QRICH2: variants seen among roughly 807,000 people sequenced by gnomAD.
The protein encoded by QRICH2 is glutamine-rich protein 2.
In QRICH2, 119 loss-of-function variants were observed where a neutral mutation model predicts 168.3. The observed-to-expected ratio is 0.71, with a 90% CI of 0.61 to 0.82. The LOEUF (loss-of-function observed/expected upper bound fraction) is 0.82. QRICH2 is among the 40% of genes least tolerant of loss of function. The pLI, the probability that QRICH2 is intolerant of heterozygous loss-of-function variation, is 0.00. For synonymous variants in QRICH2, 894 were observed against 951.2 expected, an observed-to-expected ratio of 0.94 and a Z score of 1.11; for missense variants, 2,241 against 2,491.6, an observed-to-expected ratio of 0.90 and a Z score of 2.14.
At chr17:76,310,878 CCTGA>C (rs1179220144), upstream of QRICH2, 1 of 151,904 alleles carries the variant, frequency 6.6e-6, no homozygotes, top group African/African-American at 2.4e-5. Context: ...CAGCCACAGA[CCTGA>C]CTGCTGTTCT....
chr17:76,301,677 T>C (rs1243063279), intron 3 of QRICH2: 2 of 152,642 alleles, frequency 1.3e-5, no homozygotes, highest in African/African-American at 4.9e-5. Context: ...AATCAGGATG[T>C]ATCTTAGAGT....
upstream of QRICH2, chr17:76,308,390 G>A: frequency 1.5e-5 from 15 of 985,418 alleles, no homozygotes; most frequent in Non-Finnish European, 1.8e-5. Flanking sequence ...GGGGAGCCTT[G>A]GCAACGGGCT....
Position 76,277,172 on chromosome 17 carries a change from A to G in QRICH2, c.5256T>C (p.Ile1752=), listed in dbSNP as rs1210441011. ...CAGGCAGGGCCCTGACCTTCATGGCAATCTGGATCTCTTCAGTAGGATACA... is the reference window on the plus strand; with the variant it reads ...CAGGCAGGGCCCTGACCTTCATGGCGATCTGGATCTCTTCAGTAGGATACA... ...RGLYPTEEIQ[I]AMKHDEVDIL... The change falls in exon 16 of 19, where the codon ATT becomes ATC. Residue 1752 remains isoleucine, a synonymous_variant. Transcript: ENST00000680821. 1.3e-6 allele frequency: 2 copies of G among 1,578,622 alleles called. No homozygotes were observed. The highest frequency in any genetic ancestry group is 1.7e-6 in the Non-Finnish European group (2 of 1,167,638).
intron 15 of QRICH2, 101 bp downstream of exon 15, chr17:76,277,888 C>T: frequency 7.8e-7 from 1 of 1,289,484 alleles, no homozygotes; most frequent in East Asian, 2.3e-5. Flanking sequence ...CCCTTTTCTC[C>T]CCCAGCAGTG....
chr17:76,282,706 G>T lies in QRICH2; in HGVS notation c.4012-591C>A, dbSNP rs144450293. ...GCCCTGGTGTTCTCCTCTGCATCCC[G>T]CAGGCCCCATTCGTCACCCCAAATG... is the stretch of plus-strand genomic sequence containing the variant. On this transcript the variant is annotated intron_variant, in intron 7 of 18. Coordinates refer to ENST00000680821, the MANE Select transcript of QRICH2 (RefSeq NM_001388453.1). Among the ~76,000 whole-genome samples, 29 of 152,298 alleles carry T rather than the reference G, an allele frequency of 1.9e-4. No individual in the cohort carries two copies. The South Asian group carries it at 5.6e-3, about 29-fold the overall frequency.
chr17:76,280,584 TCA>T lies in QRICH2; in HGVS notation c.4461+68_4461+69del. On this transcript the variant is annotated intron_variant, in intron 10 of 18. Transcript: ENST00000680821. This position sits in a 1 kb window ranked among gnomAD's most constrained non-coding sequence, Gnocchi z 7.4. ...ACTCGTCTCGCCAGCTCCCCTCCAC[TCA>T]GTCTCTCAAAGAACAGTCAGCGAGA... 1 of 1,601,028 alleles carries T rather than the reference TCA, an allele frequency of 6.2e-7. No individual in the cohort carries two copies. The highest frequency in any genetic ancestry group is 8.6e-7 in the Non-Finnish European group (1 of 1,168,808).
At position 76,293,923 on chromosome 17, in the gene QRICH2, A is replaced by G; in HGVS notation, c.804T>C (p.Ser268=). ...TGGCAGAATCCAGAGCCTGCTCAATACTTGGTTGCTTGGTAGAGTCTCCGC... is the reference window on the plus strand; with the variant it reads ...TGGCAGAATCCAGAGCCTGCTCAATGCTTGGTTGCTTGGTAGAGTCTCCGC... ...TLSGDSTKQP[S]IEQALDSASG... is the part of the protein sequence containing the mutation. The change falls in exon 4 of 19, where the codon AGT becomes AGC. Residue 268 remains serine, a synonymous_variant. Coordinates refer to ENST00000680821, the MANE Select transcript of QRICH2 (RefSeq NM_001388453.1). 6.2e-7 allele frequency: 1 copy of G among 1,614,082 alleles called. No homozygotes were observed. The highest frequency in any genetic ancestry group is 1.3e-5 in the African/African-American group (1 of 75,020).
At chr17:76,284,168 C>CAAAAAAAAA (rs61553346) in intron 7 of QRICH2, among the ~76,000 whole-genome samples, 8 of 62,746 alleles carry the variant, frequency 1.3e-4, no homozygotes, top group Non-Finnish European at 1.4e-4. Context: ...ACTCTGTCTC[C>CAAAAAAAAA]AAAAAAAAAA....
intron 6 of QRICH2, 119 bp from the exon 7 acceptor site, chr17:76,287,425 C>G (rs757435950): frequency 7.0e-5 from 51 of 733,682 alleles, no homozygotes; most frequent in Admixed American, 3.3e-4. Context: ...CCCTCCACCC[C>G]CCTCCAATGG....
chr17:76,291,621 T>C lies in QRICH2; in HGVS notation c.3106A>G (p.Ile1036Val), dbSNP rs1334189328. The change falls in exon 4 of 19, where the codon ATA (isoleucine) becomes GTA (valine). Residue 1036 changes from isoleucine to valine, a missense_variant. By Grantham distance (29) the Ile-to-Val change is conservative (BLOSUM62 3). Around this residue, in one of 3 missense-constraint regions of QRICH2, gnomAD observed 2,047 missense variants for 2,303.8 expected, o/e 0.89. Coordinates refer to ENST00000680821, the MANE Select transcript of QRICH2 (RefSeq NM_001388453.1). The part of the protein sequence containing the change: ...LASQGLASPG[I>V]DRRSLVPPET... ...GGTGGTACCAAACTCCTTCGATCTA[T>C]ACCAGGTGATGCCAAACCTTGACTG... The C allele has an allele frequency of 1.2e-6, 2 of 1,614,120 alleles. No individual in the cohort carries two copies. The highest frequency in any genetic ancestry group is 1.1e-5 in the South Asian group (1 of 91,084).
chr17:76,308,903 GC>G (rs1038873803), upstream of QRICH2, among the ~76,000 whole-genome samples: 2 of 151,230 alleles, frequency 1.3e-5, no homozygotes, highest in African/African-American at 4.9e-5. Context: ...GTGGTACCAT[GC>G]CCGGCTAATT....
In QRICH2 at chr17:76,280,552, A is replaced by G; in HGVS notation, c.4462-101T>C. 6 of 1,593,400 alleles carry G rather than the reference A, an allele frequency of 3.8e-6. No homozygotes were observed. In the South Asian group the frequency reaches 6.7e-5, roughly 18 times the overall value. On this transcript the variant is annotated intron_variant, in intron 10 of 18. Coordinates refer to ENST00000680821, the MANE Select transcript of QRICH2 (RefSeq NM_001388453.1). The surrounding 1 kb of genome is among the most constrained non-coding windows in gnomAD (Gnocchi z 7.4). ...CCCTATCACCAGGCAGGTTTCTGAG[A>G]GCCCACACTCGTCTCGCCAGCTCCC...
In QRICH2 at chr17:76,277,465, G is replaced by C. The variant is rs554554934; in HGVS notation, c.5118-155C>G. Among the ~76,000 whole-genome samples the C allele has an allele frequency of 8.5e-3, 1,291 of 152,138 alleles. 20 individuals carry two copies. Among genetic ancestry groups the C allele is most frequent in the African/African-American group, 0.03 (1,241 of 41,468 alleles). On this transcript the variant is annotated intron_variant, in intron 15 of 18. Coordinates refer to ENST00000680821, the MANE Select transcript of QRICH2 (RefSeq NM_001388453.1). ...AGCAGGGGCCCAGAACAGGCGGGCG[G>C]GGGTAGAGCAGCCGTGAGGCCGGGC...
chr17:76,287,013 GC>G (rs548951096), intron 7 of QRICH2, among the ~76,000 whole-genome samples, 178 bp downstream of exon 7: 2 of 78,770 alleles, frequency 2.5e-5, no homozygotes, highest in African/African-American at 4.5e-5. Context: ...ATTCGCCACC[GC>G]CCCCCCACCC....
Position 76,291,047 on chromosome 17 carries a change from A to T in QRICH2, c.3680T>A (p.Leu1227Ter). 6.2e-7 allele frequency: 1 copy of T among 1,613,820 alleles called. No homozygotes were observed. The highest frequency in any genetic ancestry group is 8.5e-7 in the Non-Finnish European group (1 of 1,179,740). Residue 1227 changes from leucine to a stop codon, truncating the protein, a stop_gained, in exon 4 of 19, where the codon TTG (leucine) becomes TAG (stop). Transcript: ENST00000680821. LOFTEE classifies it high-confidence loss of function. ...TGCCAGCAGGAACTGGATCTTCTCC[A>T]AGTCGGTTTGGCCGGCCTGCTCCTC... ...LDEEQAGQTD[L>*]EKIQFLLAQM...
At chr17:76,308,363 C>T, upstream of QRICH2, 1 of 985,396 alleles carries the variant, frequency 1.0e-6, no homozygotes, top group Non-Finnish European at 1.2e-6. Context: ...AAGTAAAGGC[C>T]ACCACAAGGA....
intron 1 of QRICH2, among the ~76,000 whole-genome samples, chr17:76,306,781 G>C (rs1240559739): frequency 6.6e-6 from 1 of 152,080 alleles, no homozygotes; most frequent in Non-Finnish European, 1.5e-5. Flanking sequence ...CAGCTACTCG[G>C]GAGGCTGAGG....
chr17:76,290,156 C>T (rs2070962782), intron 4 of QRICH2, 79 bp from the exon 5 acceptor site: 4 of 1,021,956 alleles, frequency 3.9e-6, no homozygotes, highest in Admixed American at 1.8e-5. Flanking sequence ...GCCCCTGTAA[C>T]ACTGAAGCTA....
In QRICH2 at chr17:76,287,877, G is replaced by T; in HGVS notation, c.3819C>A (p.Ile1273=). The T allele has an allele frequency of 1.2e-6, 2 of 1,613,996 alleles. No homozygotes were observed. Among genetic ancestry groups the T allele is most frequent in the Non-Finnish European group, 1.7e-6 (2 of 1,179,976 alleles). ...CTTCTTGATTCCCTTCCCCTTCCAG[G>T]ATCCTCTGCAGCCTTTCCACCTACA... is the stretch of plus-strand genomic sequence containing the variant. The part of the protein sequence containing the change: ...EKAKVERLQR[I]LEGEGNQEAG... Residue 1273 remains isoleucine, a synonymous_variant, in exon 6 of 19, where the codon ATC becomes ATA. Transcript: ENST00000680821.
Sources: gnomAD v4.1 joint callset for allele counts (sites outside exome capture counted in the v4.1 genomes callset) on GRCh38, gnomAD v4.1.1 for gene constraint, gnomAD v4.1.1 regional missense constraint, Gnocchi (gnomAD v3.1) non-coding constraint, MANE v1.5 for transcripts, NCBI Gene and HGNC (gene_info 2026-07-23, HGNC 2026-07-21) for gene names.